The following EVA1C variants were observed in gnomAD, a reference collection of about 807,000 sequenced individuals.
EVA1C encodes eva-1 homolog C, also known as protein eva-1 homolog C.
In EVA1C, 25 loss-of-function variants were observed where a neutral mutation model predicts 45.4. The observed-to-expected ratio is 0.55, with a 90% CI of 0.40 to 0.77. The LOEUF is 0.77. EVA1C is among the 30% of genes least tolerant of loss of function. The pLI is 0.00. For synonymous variants in EVA1C, 190 were observed against 221.2 expected (o/e 0.86, Z 1.25); for missense variants, 479 against 554.8 (o/e 0.86, Z 1.37).
At chr21:32,455,033 T>G (rs891247534) in intron 2 of EVA1C, among the ~76,000 whole-genome samples, 1 of 152,176 alleles carries the variant, frequency 6.6e-6, no homozygotes, top group Non-Finnish European at 1.5e-5. Flanking sequence ...CTTAGTCCTT[T>G]TTGTGCTGCT....
intron 5 of EVA1C, among the ~76,000 whole-genome samples, chr21:32,498,213 G>A (rs1435751247): frequency 7.9e-5 from 12 of 152,180 alleles, no homozygotes; most frequent in South Asian, 2.1e-4. Context: ...TTGGGAGGCC[G>A]AGGCGGGCGC....
intron 4 of EVA1C, chr21:32,473,970 C>T (rs760615652): frequency 6.5e-5 from 64 of 985,104 alleles, no homozygotes; most frequent in Admixed American, 2.5e-4. Context: ...TGGCTGTGGC[C>T]GTGAATGCAG....
At chr21:32,415,539 C>G (rs2034002056) in intron 1 of EVA1C, among the ~76,000 whole-genome samples, 1 of 152,042 alleles carries the variant, frequency 6.6e-6, no homozygotes, top group Non-Finnish European at 1.5e-5. Flanking sequence ...TTCCTTGAGC[C>G]TTTTCCTGGG....
At chr21:32,416,914 C>A (rs1328094840) in intron 1 of EVA1C, among the ~76,000 whole-genome samples, 1 of 152,158 alleles carries the variant, frequency 6.6e-6, no homozygotes, top group Admixed American at 6.5e-5. Context: ...TTCCTTGTAC[C>A]CAAATGTCCC....
rs2035836694 is a variant in EVA1C, at chr21:32,457,648, AG to A, written c.410del (p.Ser137ThrfsTer27). ...NQRACHLLVN[S>X]RVFGPDLCPG... ...GCGGGCCTGCCACCTCCTGGTCAAT[AG>A]CCGTGTTTTTGGACCTGACCTTTGT... is the stretch of plus-strand genomic sequence containing the variant. On this transcript the variant is annotated frameshift_variant, in exon 3 of 8. Coordinates refer to ENST00000300255, the MANE Select transcript of EVA1C (RefSeq NM_058187.5). LOFTEE classifies it high-confidence loss of function. The A allele has an allele frequency of 6.2e-7, 1 of 1,614,004 alleles. No individual in the cohort carries two copies. Among genetic ancestry groups the A allele is most frequent in the South Asian group, 1.1e-5 (1 of 91,090 alleles).
intron 4 of EVA1C, among the ~76,000 whole-genome samples, chr21:32,471,288 C>G (rs1485886382): frequency 6.6e-6 from 1 of 151,482 alleles, no homozygotes; most frequent in African/African-American, 2.4e-5. Context: ...GTCTTCTTTA[C>G]GGGCTCTGTG....
At chr21:32,443,173 G>A (rs773648367) in intron 1 of EVA1C, among the ~76,000 whole-genome samples, 12 of 152,282 alleles carry the variant, frequency 7.9e-5, no homozygotes, top group African/African-American at 2.2e-4. Context: ...GGCTGGCCGC[G>A]AGTGTAATTT....
rs115648373 is a variant in EVA1C at position 32,472,938 on chromosome 21, C to T, written c.634+5090C>T. ...TGTACGTGCAAGGGTGAGGACCAGA[C>T]TCTTCTCTGCATTTGTGGCCATAGC... is the stretch of plus-strand genomic sequence containing the variant. On this transcript the variant is annotated intron_variant, in intron 4 of 7. Coordinates refer to ENST00000300255, the MANE Select transcript of EVA1C (RefSeq NM_058187.5). Among the ~76,000 whole-genome samples the T allele has an allele frequency of 9.9e-3, 1,508 of 152,338 alleles. 26 individuals are homozygous for T. Among genetic ancestry groups the T allele is most frequent in the African/African-American group, 0.035 (1,442 of 41,582 alleles).
At chr21:32,507,193 A>G (rs1342671886) in intron 7 of EVA1C, among the ~76,000 whole-genome samples, 3 of 152,210 alleles carry the variant, frequency 2.0e-5, no homozygotes, top group Non-Finnish European at 4.4e-5. Flanking sequence ...GATCTGTGAG[A>G]TGGTTTCCCC....
intron 3 of EVA1C, among the ~76,000 whole-genome samples, chr21:32,460,804 G>A (rs1275949740): frequency 6.6e-6 from 1 of 151,782 alleles, no homozygotes; most frequent in Non-Finnish European, 1.5e-5. Context: ...GGAGTGTAGT[G>A]GCTCAATCTT....
upstream of EVA1C, chr21:32,411,873 C>G (rs528926822): frequency 1.3e-5 from 2 of 152,442 alleles, no homozygotes; most frequent in South Asian, 4.1e-4. Flanking sequence ...GTTGGGGCTA[C>G]GCAGGCCACT....
At position 32,474,023 on chromosome 21, in the gene EVA1C, G is replaced by A; in HGVS notation, c.634+6175G>A. The stretch of plus-strand genomic sequence containing the variant: ...CTCACTGCAAGCCTCCAACTCATGG[G>A]CTCAAGCAATTCTCTCACCTCAGCC... On this transcript the variant is annotated intron_variant, in intron 4 of 7. Transcript: ENST00000300255. This position sits in a 1 kb window ranked among gnomAD's most constrained non-coding sequence, Gnocchi z 4.4. 1.1e-6 allele frequency: 1 copy of A among 892,720 alleles called. No homozygotes were observed. Among genetic ancestry groups the A allele is most frequent in the Non-Finnish European group, 1.3e-6 (1 of 745,522 alleles). The allele number at this position is 892,720 out of a possible 1,614,324, so 55.3% of individuals were successfully genotyped here.
chr21:32,455,594 C>A (rs2035750273), intron 2 of EVA1C, among the ~76,000 whole-genome samples: 1 of 152,148 alleles, frequency 6.6e-6, no homozygotes. Context: ...CCCAGGCTAC[C>A]TGCTGCCCTC....
intron 4 of EVA1C, among the ~76,000 whole-genome samples, chr21:32,477,189 G>A (rs534854186): frequency 1.3e-5 from 2 of 152,022 alleles, no homozygotes; most frequent in African/African-American, 4.8e-5. Flanking sequence ...CCCTGAAGAC[G>A]CACTTGGCTT....
intron 1 of EVA1C, among the ~76,000 whole-genome samples, chr21:32,437,621 C>T (rs1301303108): frequency 5.3e-5 from 8 of 152,198 alleles, no homozygotes; most frequent in Non-Finnish European, 2.9e-5. Context: ...GGAGAAGCTC[C>T]CTCTGAGCCT....
intron 3 of EVA1C, among the ~76,000 whole-genome samples, chr21:32,459,420 C>T (rs954857909): frequency 3.3e-5 from 5 of 152,218 alleles, no homozygotes; most frequent in Non-Finnish European, 5.9e-5. Context: ...CACTTCCCTC[C>T]AACCGCTGAA....
intron 7 of EVA1C, among the ~76,000 whole-genome samples, chr21:32,506,689 C>G (rs1281401039): frequency 6.6e-6 from 1 of 152,102 alleles, no homozygotes; most frequent in East Asian, 1.9e-4. Context: ...AGTGCATGCT[C>G]AGGGGTCTGC....
At chr21:32,445,889 T>C (rs1330886485) in intron 1 of EVA1C, among the ~76,000 whole-genome samples, 1 of 151,952 alleles carries the variant, frequency 6.6e-6, no homozygotes, top group South Asian at 2.1e-4. Context: ...CAGGGAAGAG[T>C]ATCTTGGAGT....
intron 4 of EVA1C, among the ~76,000 whole-genome samples, chr21:32,480,093 C>T (rs2036722697): frequency 6.6e-6 from 1 of 151,932 alleles, no homozygotes; most frequent in East Asian, 1.9e-4. Context: ...AAATGTTCAG[C>T]TGTAAGATTA....
Sources: gnomAD v4.1 joint callset for allele counts (sites outside exome capture counted in the v4.1 genomes callset) on GRCh38, gnomAD v4.1.1 for gene constraint, Gnocchi (gnomAD v3.1) non-coding constraint, MANE v1.5 for transcripts, NCBI Gene and HGNC (gene_info 2026-07-23, HGNC 2026-07-21) for gene names.